PTPRG: variants seen among roughly 807,000 people sequenced by gnomAD.
PTPRG encodes protein tyrosine phosphatase receptor type G.
In PTPRG, 102 loss-of-function variants were observed where a neutral mutation model predicts 165.3. The ratio of observed to expected loss-of-function variants is 0.62; its 90% CI spans 0.53 to 0.73. PTPRG has a LOEUF of 0.73. Among genes scored for constraint, PTPRG ranks in the 30% least tolerant of loss-of-function variants. The pLI is 0.00. For synonymous variants in PTPRG, 675 were observed against 669.5 expected (o/e 1.01, Z -0.13); for missense variants, 1,866 against 1,861.4 (o/e 1.00, Z -0.05).
At chr3:61,719,714 G>A (rs1410240353) in intron 1 of PTPRG, among the ~76,000 whole-genome samples, 2 of 152,184 alleles carry the variant, frequency 1.3e-5, no homozygotes, top group African/African-American at 4.8e-5. Flanking sequence ...TTGAGGCCAT[G>A]TGTGGTTGGG....
At chr3:61,566,282 A>T (rs1001360302) in intron 1 of PTPRG, among the ~76,000 whole-genome samples, 1 of 152,256 alleles carries the variant, frequency 6.6e-6, no homozygotes, top group African/African-American at 2.4e-5. Context: ...TGTTTACATG[A>T]AGCGATCCAG....
intron 7 of PTPRG, among the ~76,000 whole-genome samples, chr3:62,162,898 T>C (rs563057696): frequency 6.6e-6 from 1 of 152,296 alleles, no homozygotes; most frequent in South Asian, 2.1e-4. Flanking sequence ...TAGTCCATTT[T>C]CACATTGCTA....
At chr3:61,619,385 C>T (rs972658290) in intron 1 of PTPRG, among the ~76,000 whole-genome samples, 1 of 152,036 alleles carries the variant, frequency 6.6e-6, no homozygotes, top group Non-Finnish European at 1.5e-5. Flanking sequence ...TGTTCTCTTC[C>T]AAGGGGACAT....
intron 5 of PTPRG, among the ~76,000 whole-genome samples, chr3:62,110,089 C>CTTTTTTTTTTTTTTTT (rs371457716): frequency 1.3e-5 from 1 of 79,964 alleles, no homozygotes; most frequent in African/African-American, 4.9e-5. Flanking sequence ...GAAATAATGG[C>CTTTTTTTTTTTTTTTT]TTTTTTTTTT....
chr3:61,810,353 C>T (rs1405735014), intron 2 of PTPRG, among the ~76,000 whole-genome samples: 4 of 152,174 alleles, frequency 2.6e-5, no homozygotes, highest in African/African-American at 9.6e-5. Flanking sequence ...AAGTATTGAT[C>T]AGTGAATCAT....
chr3:61,721,667 G>T (rs936227935), intron 1 of PTPRG, among the ~76,000 whole-genome samples: 1 of 152,082 alleles, frequency 6.6e-6, no homozygotes, highest in African/African-American at 2.4e-5. Flanking sequence ...AGTTCCTGGA[G>T]AACTTTTTTT....
At chr3:61,835,215 C>G (rs2036423412) in intron 2 of PTPRG, among the ~76,000 whole-genome samples, 1 of 152,132 alleles carries the variant, frequency 6.6e-6, no homozygotes, top group South Asian at 2.1e-4. Flanking sequence ...CCTCAATTAC[C>G]TCAATATTCT....
intron 5 of PTPRG, among the ~76,000 whole-genome samples, chr3:62,131,284 A>G (rs1343815593): frequency 6.6e-6 from 1 of 152,144 alleles, no homozygotes; most frequent in South Asian, 2.1e-4. Flanking sequence ...ACATGGTCAC[A>G]TGTCCCTCTT....
chr3:61,651,692 A>C (rs1314260979), intron 1 of PTPRG, among the ~76,000 whole-genome samples: 1 of 152,182 alleles, frequency 6.6e-6, no homozygotes. Context: ...GAAGCTTTAT[A>C]TATATTGATC....
At chr3:61,743,015 C>G in intron 1 of PTPRG, 1 of 1,567,552 alleles carries the variant, frequency 6.4e-7, no homozygotes, top group Non-Finnish European at 8.8e-7. Context: ...TGCAACTCCA[C>G]CGTCTCCAGG....
intron 5 of PTPRG, among the ~76,000 whole-genome samples, chr3:62,114,325 A>AC (rs1702782487): frequency 6.6e-6 from 1 of 152,154 alleles, no homozygotes; most frequent in African/African-American, 2.4e-5. Context: ...ACAAAAAAAA[A>AC]ACGTAGATTT....
intron 5 of PTPRG, chr3:62,124,503 G>C (rs1449107369): frequency 1.3e-6 from 2 of 1,590,728 alleles, no homozygotes; most frequent in East Asian, 2.2e-5. Context: ...ATGTTTTACA[G>C]CAGGCTCATC....
chr3:62,129,257 C>T (rs1703425183), intron 5 of PTPRG, among the ~76,000 whole-genome samples: 1 of 152,100 alleles, frequency 6.6e-6, no homozygotes, highest in Non-Finnish European at 1.5e-5. Flanking sequence ...GGTTGTTTTC[C>T]TTTTGCATAG....
chr3:62,187,495 G>A (rs1348693761), intron 8 of PTPRG, among the ~76,000 whole-genome samples: 2 of 152,158 alleles, frequency 1.3e-5, no homozygotes, highest in Non-Finnish European at 2.9e-5. Flanking sequence ...CTATGAAATT[G>A]AACTTGTGTC....
chr3:62,091,803 G>A (rs944467314), intron 5 of PTPRG, among the ~76,000 whole-genome samples: 1 of 151,966 alleles, frequency 6.6e-6, no homozygotes, highest in Non-Finnish European at 1.5e-5. Context: ...AGGGGAGGTG[G>A]GAGTTGAGTG....
chr3:61,895,818 G>T (rs984229590), intron 2 of PTPRG, among the ~76,000 whole-genome samples: 2 of 152,078 alleles, frequency 1.3e-5, no homozygotes, highest in African/African-American at 4.8e-5. Flanking sequence ...TATATTTCAG[G>T]ATTCTCACCA....
intron 5 of PTPRG, among the ~76,000 whole-genome samples, chr3:62,126,426 G>A (rs1048464747): frequency 3.9e-5 from 6 of 152,174 alleles, no homozygotes; most frequent in Non-Finnish European, 7.3e-5. Context: ...CTCAAGCTGC[G>A]TTTGAAGTGG....
intron 2 of PTPRG, among the ~76,000 whole-genome samples, chr3:61,850,188 A>G (rs1303597552): frequency 2.6e-5 from 4 of 151,980 alleles, no homozygotes; most frequent in African/African-American, 9.7e-5. Flanking sequence ...TTTGAAACCG[A>G]GTCTTGCTCT....
chr3:62,153,355 T>G (rs1201108247), intron 6 of PTPRG, among the ~76,000 whole-genome samples: 1 of 152,312 alleles, frequency 6.6e-6, no homozygotes, highest in South Asian at 2.1e-4. Flanking sequence ...AGAGTAAATA[T>G]TCTCATTATT....
Sources: allele counts gnomAD v4.1 joint callset (sites outside exome capture counted in the v4.1 genomes callset), GRCh38; gene constraint gnomAD v4.1.1; transcripts MANE v1.5; gene names NCBI Gene and HGNC (gene_info 2026-07-23, HGNC 2026-07-21).